Variants in ZFHX3 observed in about 807,000 individuals in gnomAD.
The protein encoded by ZFHX3 is zinc finger homeobox protein 3.
A neutral mutation model predicts 279.1 loss-of-function variants in ZFHX3; 42 were observed. The ratio of observed to expected loss-of-function variants is 0.15; its 90% CI spans 0.12 to 0.19. The LOEUF is 0.19. Among genes scored for constraint, ZFHX3 ranks in the 10% least tolerant of loss-of-function variants. The probability of loss-of-function intolerance (pLI) is 1.00; values close to 1 mark genes in which losing one functional copy is unlikely to be tolerated. For synonymous variants in ZFHX3, 2,293 were observed against 1,957.8 expected (o/e 1.17, Z -4.52); for missense variants, 4,981 against 4,754.0 (o/e 1.05, Z -1.40).
intron 7 of ZFHX3, chr16:72,808,042 T>C (rs778878689): frequency 6.6e-6 from 1 of 152,216 alleles, no homozygotes; most frequent in Non-Finnish European, 1.5e-5. Flanking sequence ...TAGTTGGCCA[T>C]GAACAAACAT....
chr16:73,653,886 TA>T (rs2052695562), intron 2 of ZFHX3, among the ~76,000 whole-genome samples: 2 of 152,136 alleles, frequency 1.3e-5, no homozygotes, highest in East Asian at 3.9e-4. Flanking sequence ...GTGCCATCAT[TA>T]AAAAGATAAA....
At chr16:72,932,188 ATG>A (rs1052131127) in intron 3 of ZFHX3, among the ~76,000 whole-genome samples, 1 of 152,210 alleles carries the variant, frequency 6.6e-6, no homozygotes, top group Non-Finnish European at 1.5e-5. Context: ...AGGGAAATAC[ATG>A]TGTGTTGATG....
chr16:72,952,638 C>T (rs986910532), intron 2 of ZFHX3, among the ~76,000 whole-genome samples: 8 of 152,230 alleles, frequency 5.3e-5, no homozygotes, highest in African/African-American at 1.9e-4. Flanking sequence ...GGCAGTGAGA[C>T]ACGAGGCTCA....
intron 2 of ZFHX3, among the ~76,000 whole-genome samples, chr16:73,559,584 C>T (rs538432025): frequency 1.4e-4 from 22 of 152,288 alleles, no homozygotes; most frequent in South Asian, 2.1e-4. Flanking sequence ...CTCTCGGGTC[C>T]GGTTGCTGCA....
rs545765128 is a variant in ZFHX3 at position 73,780,739 on chromosome 16, G to A, written c.-1607-100499C>T. Reference sequence around the variant, plus strand: ...TTACAGGCACGAGCCACTGTGCCTGGCCTCATTGCAGTTGAATTCTGATGC... The same window carrying A: ...TTACAGGCACGAGCCACTGTGCCTGACCTCATTGCAGTTGAATTCTGATGC... On this transcript the variant is annotated intron_variant, in intron 1 of 17. Transcript: ENST00000641206. 7.9e-5 allele frequency among the ~76,000 whole-genome samples: 12 copies of A among 152,334 alleles called. No homozygotes were observed. The South Asian group carries it at 2.3e-3, about 29-fold the overall frequency.
At chr16:73,818,266 T>C (rs1960634333) in intron 1 of ZFHX3, among the ~76,000 whole-genome samples, 1 of 152,136 alleles carries the variant, frequency 6.6e-6, no homozygotes, top group South Asian at 2.1e-4. Flanking sequence ...GGCAATGTAG[T>C]TAATTAATAT....
At chr16:73,627,512 T>A (rs924335229) in intron 2 of ZFHX3, among the ~76,000 whole-genome samples, 1 of 152,248 alleles carries the variant, frequency 6.6e-6, no homozygotes, top group Non-Finnish European at 1.5e-5. Context: ...TTAATTCTTA[T>A]GATTTGAACT....
chr16:73,688,796 G>A (rs376195341), intron 1 of ZFHX3, among the ~76,000 whole-genome samples: 26 of 152,066 alleles, frequency 1.7e-4, no homozygotes, highest in African/African-American at 5.3e-4. Flanking sequence ...TCATGGGGGC[G>A]GGTCGTTCCC....
At chr16:73,670,648 A>G (rs1411543002) in intron 2 of ZFHX3, among the ~76,000 whole-genome samples, 1 of 152,222 alleles carries the variant, frequency 6.6e-6, no homozygotes, top group Non-Finnish European at 1.5e-5. Flanking sequence ...GTAATGAAAT[A>G]AGGAGTAAAA....
At chr16:73,061,607 G>C (rs1965685858), upstream of ZFHX3, 1 of 151,736 alleles carries the variant, frequency 6.6e-6, no homozygotes, top group Non-Finnish European at 1.5e-5. Flanking sequence ...AAGGAAGACT[G>C]GTAAATTCTG....
chr16:73,591,599 A>T (rs963458318), intron 2 of ZFHX3, among the ~76,000 whole-genome samples: 3 of 142,708 alleles, frequency 2.1e-5, no homozygotes, highest in Non-Finnish European at 4.5e-5. Flanking sequence ...AGGCTGAGGC[A>T]GGAGAATGGT....
chr16:73,563,686 C>G (rs2143794156), intron 2 of ZFHX3, among the ~76,000 whole-genome samples: 1 of 152,252 alleles, frequency 6.6e-6, no homozygotes, highest in South Asian at 2.1e-4. Flanking sequence ...CCTGCAGTCC[C>G]CCATCCCTGC....
At chr16:73,542,311 T>C (rs1286415875) in intron 2 of ZFHX3, among the ~76,000 whole-genome samples, 1 of 152,088 alleles carries the variant, frequency 6.6e-6, no homozygotes, top group Non-Finnish European at 1.5e-5. Flanking sequence ...GGCTGAGATG[T>C]TTGAATGACA....
intron 3 of ZFHX3, among the ~76,000 whole-genome samples, chr16:73,370,521 G>T (rs2016608962): frequency 6.6e-6 from 1 of 152,146 alleles, no homozygotes; most frequent in Non-Finnish European, 1.5e-5. Flanking sequence ...AGGAAGCTCA[G>T]AGCTCCCTGG....
At chr16:73,427,896 T>C (rs140158870) in intron 3 of ZFHX3, among the ~76,000 whole-genome samples, 3,218 of 152,070 alleles carry the variant, frequency 0.021, 110 homozygotes, top group African/African-American at 0.073. Context: ...TGAGCCAAGA[T>C]TGTGTCACTA....
intron 5 of ZFHX3, among the ~76,000 whole-genome samples, chr16:73,184,209 G>A (rs1439852419): frequency 6.6e-6 from 1 of 152,162 alleles, no homozygotes; most frequent in African/African-American, 2.4e-5. Flanking sequence ...GTGGCTCAGT[G>A]GTGTCACCAG....
intron 1 of ZFHX3, among the ~76,000 whole-genome samples, chr16:73,716,232 A>T (rs955816926): frequency 2.6e-5 from 4 of 152,172 alleles, no homozygotes; most frequent in Non-Finnish European, 4.4e-5. Flanking sequence ...TACAGAAAAA[A>T]AAAATGTCCC....
chr16:73,237,175 G>A (rs1422770045), intron 5 of ZFHX3, among the ~76,000 whole-genome samples: 1 of 152,076 alleles, frequency 6.6e-6, no homozygotes, highest in African/African-American at 2.4e-5. Context: ...GTCTTAATCT[G>A]GTGCCATTTT....
chr16:73,841,610 C>G (rs1303676776), intron 1 of ZFHX3, among the ~76,000 whole-genome samples: 5 of 152,120 alleles, frequency 3.3e-5, no homozygotes, highest in African/African-American at 9.7e-5. Context: ...CCCCAGTGCA[C>G]GGACCACTAT....
Sources: gnomAD v4.1 joint callset for allele counts (sites outside exome capture counted in the v4.1 genomes callset) on GRCh38, gnomAD v4.1.1 for gene constraint, MANE v1.5 for transcripts, NCBI Gene and HGNC (gene_info 2026-07-23, HGNC 2026-07-21) for gene names.